The following ZFHX3 variants were observed in gnomAD, a reference collection of about 807,000 sequenced individuals.
The protein encoded by ZFHX3 is zinc finger homeobox protein 3.
ZFHX3 carries 42 observed loss-of-function variants against 279.1 expected under a neutral mutation model. The observed-to-expected ratio is 0.15, with a 90% CI of 0.12 to 0.19. The LOEUF is 0.19. Ranked by LOEUF, ZFHX3 falls within the 10% of genes least tolerant of loss-of-function variation. The probability of loss-of-function intolerance (pLI) is 1.00; values close to 1 mark genes in which losing one functional copy is unlikely to be tolerated. For synonymous variants in ZFHX3, 2,293 were observed against 1,957.8 expected, an observed-to-expected ratio of 1.17 and a Z score of -4.52; for missense variants, 4,981 against 4,754.0, an observed-to-expected ratio of 1.05 and a Z score of -1.40.
At chr16:73,476,924 T>C (rs566944867) in intron 2 of ZFHX3, among the ~76,000 whole-genome samples, 18 of 152,382 alleles carry the variant, frequency 1.2e-4, no homozygotes, top group South Asian at 1.0e-3. Context: ...TTAAAACTTA[T>C]GCATTTTCTT....
At chr16:73,566,827 T>G (rs556792508) in intron 2 of ZFHX3, among the ~76,000 whole-genome samples, 5 of 151,620 alleles carry the variant, frequency 3.3e-5, no homozygotes, top group African/African-American at 9.7e-5. Flanking sequence ...GCCTCCAGAG[T>G]AGCTGGGATT....
At chr16:73,457,250 G>A (rs1227372184) in intron 2 of ZFHX3, among the ~76,000 whole-genome samples, 1 of 152,140 alleles carries the variant, frequency 6.6e-6, no homozygotes, top group African/African-American at 2.4e-5. Flanking sequence ...TGGACAAAGC[G>A]ATAATGATGA....
intron 2 of ZFHX3, among the ~76,000 whole-genome samples, chr16:73,510,061 T>C (rs377398144): frequency 5.9e-5 from 9 of 152,284 alleles, no homozygotes; most frequent in African/African-American, 2.2e-4. Flanking sequence ...TCCCTTTCCA[T>C]CGAATGCTGT....
At chr16:73,249,054 C>T (rs992595605) in intron 5 of ZFHX3, among the ~76,000 whole-genome samples, 2 of 152,124 alleles carry the variant, frequency 1.3e-5, no homozygotes, top group Non-Finnish European at 2.9e-5. Flanking sequence ...TGTCAGTGGT[C>T]ACACTGACCT....
Position 72,800,056 on chromosome 16 carries a change from G to C in ZFHX3, c.3938C>G (p.Ser1313Cys). The C allele has an allele frequency of 1.9e-6, 3 of 1,614,122 alleles. No individual in the cohort carries two copies. The highest frequency in any genetic ancestry group is 2.5e-6 in the Non-Finnish European group (3 of 1,180,032). Residue 1313 changes from serine to cysteine, a missense_variant, in exon 8 of 10, where the codon TCC becomes TGC. Coordinates refer to ENST00000268489, the MANE Select transcript of ZFHX3 (RefSeq NM_006885.4). The stretch of plus-strand genomic sequence containing the variant: ...CTGCTTTCCTGCCTCTTCCAAATTG[G>C]AATTCCCATCTCGATCTGGAACAGC... ...PAAVPDRDGN[S>C]NLEEAGKQPE...
chr16:73,705,572 T>C (rs554867224), intron 1 of ZFHX3, among the ~76,000 whole-genome samples: 59 of 152,308 alleles, frequency 3.9e-4, no homozygotes, highest in African/African-American at 1.1e-3. Flanking sequence ...TTTTCTGTGG[T>C]GTTGCATCTT....
chr16:73,662,741 G>A (rs1276208794), intron 2 of ZFHX3, among the ~76,000 whole-genome samples: 6 of 152,126 alleles, frequency 3.9e-5, no homozygotes, highest in South Asian at 4.1e-4. Context: ...AATTCAAGGC[G>A]AAAATTCAAA....
rs766957728 is a variant in ZFHX3, at chr16:73,093,519, TC to T, written c.-818del. On this transcript the variant is annotated 5_prime_UTR_variant, in exon 8 of 18. Coordinates refer to the ZFHX3 transcript ENST00000641206. ...GAGATGGAGTCATAGCTGCGCCCTG[TC>T]CACTCTCGGGCTGTCACACAAGCCT... is the stretch of plus-strand genomic sequence containing the variant. 3.0e-5 allele frequency: 15 copies of T among 505,876 alleles called. No homozygotes were observed. In the Admixed American group the frequency reaches 3.0e-4, roughly 10 times the overall value. 31.3% of individuals were successfully genotyped at this position (505,876 alleles called of 1,614,324 possible).
chr16:73,499,656 T>C (rs1324695004), intron 2 of ZFHX3: 2 of 152,164 alleles, frequency 1.3e-5, no homozygotes, highest in African/African-American at 4.8e-5. Flanking sequence ...ACTACAGATG[T>C]ATGAGGGGAT....
intron 2 of ZFHX3, among the ~76,000 whole-genome samples, chr16:73,513,754 C>A (rs886980315): frequency 6.6e-6 from 1 of 152,014 alleles, no homozygotes; most frequent in African/African-American, 2.4e-5. Context: ...AGGAGGAGGT[C>A]TGAAAAAGAG....
At chr16:73,266,701 G>A (rs1033324288) in intron 4 of ZFHX3, among the ~76,000 whole-genome samples, 8 of 152,180 alleles carry the variant, frequency 5.3e-5, no homozygotes, top group African/African-American at 1.9e-4. Context: ...ACTGAATCCT[G>A]GGAATGGAGC....
intron 1 of ZFHX3, among the ~76,000 whole-genome samples, chr16:73,747,537 A>T (rs905701590): frequency 4.6e-5 from 7 of 152,198 alleles, no homozygotes; most frequent in African/African-American, 1.7e-4. Flanking sequence ...AGAACCTAGC[A>T]TACCCTGACT....
At chr16:73,206,667 T>C (rs527844641) in intron 5 of ZFHX3, among the ~76,000 whole-genome samples, 2 of 152,302 alleles carry the variant, frequency 1.3e-5, no homozygotes, top group South Asian at 4.1e-4. Flanking sequence ...ATTTTTCTTT[T>C]TCCCCACTAC....
intron 5 of ZFHX3, among the ~76,000 whole-genome samples, chr16:73,186,193 G>T (rs977545313): frequency 6.6e-6 from 1 of 152,098 alleles, no homozygotes; most frequent in Non-Finnish European, 1.5e-5. Context: ...AATTATAATA[G>T]AAATAAAGTG....
chr16:73,098,547 A>G (rs1391046759), intron 7 of ZFHX3, among the ~76,000 whole-genome samples: 1 of 152,134 alleles, frequency 6.6e-6, no homozygotes, highest in African/African-American at 2.4e-5. Flanking sequence ...TCTTTAGTAG[A>G]GATGGGGTTT....
chr16:73,651,867 A>G (rs2052675483), intron 2 of ZFHX3, among the ~76,000 whole-genome samples: 1 of 151,782 alleles, frequency 6.6e-6, no homozygotes, highest in Admixed American at 6.6e-5. Context: ...AAAAAAAAAA[A>G]AAAGAGACAA....
At chr16:73,085,985 C>CAAAAAAAAAAAAAA (rs57128744) in intron 8 of ZFHX3, among the ~76,000 whole-genome samples, 4 of 54,210 alleles carry the variant, frequency 7.4e-5, no homozygotes, top group African/African-American at 1.2e-4. Context: ...AACTCAATTG[C>CAAAAAAAAAAAAAA]AAAAAAAAAA....
chr16:72,822,025 T>A (rs2036805748), intron 5 of ZFHX3: 4 of 152,214 alleles, frequency 2.6e-5, no homozygotes, highest in Admixed American at 2.6e-4. Flanking sequence ...AAAGACACCT[T>A]AAATTTGTCT....
chr16:73,105,138 G>C (rs111395790), intron 7 of ZFHX3, among the ~76,000 whole-genome samples: 119 of 151,980 alleles, frequency 7.8e-4, no homozygotes, highest in African/African-American at 2.7e-3. Context: ...AGGAGTGGTG[G>C]CTCACGTTTG....
Sources: allele counts gnomAD v4.1 joint callset (sites outside exome capture counted in the v4.1 genomes callset), GRCh38; gene constraint gnomAD v4.1.1; transcripts MANE v1.5; gene names NCBI Gene and HGNC (gene_info 2026-07-23, HGNC 2026-07-21).